SIPA1L3: variants seen among roughly 807,000 people sequenced by gnomAD.
The protein encoded by SIPA1L3 is signal induced proliferation associated 1 like 3.
In SIPA1L3, 59 loss-of-function variants were observed where a neutral mutation model predicts 150.1. The ratio of observed to expected loss-of-function variants is 0.39; its 90% CI spans 0.32 to 0.49. The LOEUF (loss-of-function observed/expected upper bound fraction) is 0.49. SIPA1L3 is among the 20% of genes least tolerant of loss of function. The probability of loss-of-function intolerance (pLI) is 0.86; values close to 1 mark genes in which losing one functional copy is unlikely to be tolerated. For missense variants in SIPA1L3, 2,211 were observed against 2,489.5 expected (o/e 0.89, Z 2.38); for synonymous variants, 1,070 against 1,077.6 (o/e 0.99, Z 0.14).
At chr19:38,125,072 G>C (rs1971142483) in intron 9 of SIPA1L3, among the ~76,000 whole-genome samples, 1 of 148,050 alleles carries the variant, frequency 6.8e-6, no homozygotes, top group Admixed American at 6.8e-5. Context: ...GTCTTGCTCT[G>C]TCCCCCAGGC....
intron 10 of SIPA1L3, among the ~76,000 whole-genome samples, chr19:38,136,183 C>CA (rs56146390): frequency 0.013 from 590 of 43,892 alleles, 48 homozygotes; most frequent in East Asian, 0.057. Context: ...GAGACTGTCT[C>CA]AAAAAAAAAA....
chr19:38,031,536 T>C (rs1333758275), intron 2 of SIPA1L3, among the ~76,000 whole-genome samples: 2 of 152,206 alleles, frequency 1.3e-5, no homozygotes, highest in Non-Finnish European at 2.9e-5. Flanking sequence ...ATTGAGGTTA[T>C]TCATTATTTG....
intron 10 of SIPA1L3, among the ~76,000 whole-genome samples, 169 bp from the exon 11 acceptor site, chr19:38,141,015 G>A (rs537017332): frequency 1.7e-4 from 24 of 138,156 alleles, no homozygotes; most frequent in Admixed American, 3.2e-4. Context: ...CCAACATCAT[G>A]CCGCTGTACT....
At chr19:38,024,009 T>C (rs833932) in intron 1 of SIPA1L3, among the ~76,000 whole-genome samples, 38,659 of 150,870 alleles carry the variant, frequency 0.26, 5,245 homozygotes, top group African/African-American at 0.32. Flanking sequence ...CCTTCTTCCT[T>C]GGGGAGGGGG....
At chr19:37,965,317 GTT>G (rs566071263) in intron 1 of SIPA1L3, among the ~76,000 whole-genome samples, 3 of 133,676 alleles carry the variant, frequency 2.2e-5, no homozygotes, top group Admixed American at 7.8e-5. Flanking sequence ...TATATTTCTA[GTT>G]TTTTTTTTTT....
chr19:38,091,612 G>A (rs924933306), intron 4 of SIPA1L3, among the ~76,000 whole-genome samples: 6 of 152,164 alleles, frequency 3.9e-5, no homozygotes, highest in African/African-American at 1.4e-4. Context: ...ACCCTCCAGG[G>A]AGTGGCAGGG....
chr19:38,078,756 C>T (rs1344650208), intron 2 of SIPA1L3, among the ~76,000 whole-genome samples: 2 of 152,188 alleles, frequency 1.3e-5, no homozygotes, highest in Non-Finnish European at 1.5e-5. Context: ...AAGCAGCACT[C>T]CACTGCCCTG....
intron 10 of SIPA1L3, among the ~76,000 whole-genome samples, chr19:38,135,913 C>G (rs553048031): frequency 6.6e-6 from 1 of 151,894 alleles, no homozygotes; most frequent in Admixed American, 6.6e-5. Context: ...GCAGTGAGGA[C>G]GGGATAGAAG....
intron 6 of SIPA1L3, among the ~76,000 whole-genome samples, chr19:38,101,703 G>A (rs894495626): frequency 5.3e-5 from 8 of 151,580 alleles, no homozygotes; most frequent in African/African-American, 1.7e-4. Flanking sequence ...GAGCCACCAC[G>A]CCTGGCCATG....
intron 4 of SIPA1L3, among the ~76,000 whole-genome samples, chr19:38,098,396 T>C (rs926469163): frequency 2.2e-4 from 33 of 147,004 alleles, no homozygotes; most frequent in Non-Finnish European, 1.4e-4. Context: ...GCTTTCATTT[T>C]TTTTTTTTTT....
intron 1 of SIPA1L3, among the ~76,000 whole-genome samples, chr19:37,972,868 C>T (rs1422077250): frequency 6.6e-6 from 1 of 152,076 alleles, no homozygotes; most frequent in African/African-American, 2.4e-5. Flanking sequence ...CTGCCCCCTT[C>T]CCCCCAAATT....
intron 15 of SIPA1L3, among the ~76,000 whole-genome samples, chr19:38,175,207 T>C (rs1322919858): frequency 6.6e-6 from 1 of 152,040 alleles, no homozygotes; most frequent in Non-Finnish European, 1.5e-5. Flanking sequence ...AGGTGACGCC[T>C]ATAAGATGCT....
intron 1 of SIPA1L3, among the ~76,000 whole-genome samples, chr19:37,958,053 A>G (rs565345500): frequency 6.6e-6 from 1 of 152,270 alleles, no homozygotes; most frequent in African/African-American, 2.4e-5. Flanking sequence ...TGGAGATAGG[A>G]TGCCACACTT....
At chr19:37,954,667 C>G (rs2046793528) in intron 1 of SIPA1L3, among the ~76,000 whole-genome samples, 1 of 152,140 alleles carries the variant, frequency 6.6e-6, no homozygotes, top group South Asian at 2.1e-4. Flanking sequence ...AGCCTCTCGG[C>G]TTTAAGAACC....
Position 38,110,304 on chromosome 19 carries a change from C to T in SIPA1L3, c.2211C>T (p.Pro737=), listed in dbSNP as rs1274753372. 1 of 1,614,076 alleles carries T rather than the reference C, an allele frequency of 6.2e-7. No individual in the cohort carries two copies. The highest frequency in any genetic ancestry group is 1.3e-5 in the African/African-American group (1 of 74,920). ...AGCCTGGCGCGCTACCGTTCACCCC[C>T]AAGAACATCCGCTCCCACTTCCAGC... ...FQEPGALPFT[P]KNIRSHFQHV... Residue 737 remains proline (P), a synonymous_variant, in exon 8 of 22, where the codon CCC becomes CCT. Transcript: ENST00000222345.
chr19:38,041,038 C>T (rs1248604149), intron 2 of SIPA1L3, among the ~76,000 whole-genome samples: 2 of 152,026 alleles, frequency 1.3e-5, no homozygotes, highest in South Asian at 2.1e-4. Context: ...GCTAGGATTA[C>T]AGGCGTGAGC....
chr19:38,066,927 CTG>C (rs148586310), intron 2 of SIPA1L3, among the ~76,000 whole-genome samples: 3,340 of 152,122 alleles, frequency 0.022, 105 homozygotes, highest in African/African-American at 0.074. Flanking sequence ...TTGGGAAAAA[CTG>C]TACTGATTTA....
At chr19:37,941,657 G>A (rs1396972229) in intron 1 of SIPA1L3, among the ~76,000 whole-genome samples, 2 of 152,124 alleles carry the variant, frequency 1.3e-5, no homozygotes, top group African/African-American at 2.4e-5. Flanking sequence ...GGTGTTTGTC[G>A]AAGTAATGAG....
intron 13 of SIPA1L3, 142 bp downstream of exon 13, chr19:38,153,109 T>C (rs1195138132): frequency 6.4e-6 from 7 of 1,095,724 alleles, no homozygotes; most frequent in Non-Finnish European, 6.3e-6. Flanking sequence ...CATGTAAGAC[T>C]AGAGAGGGCA....
Sources: allele counts gnomAD v4.1 joint callset (sites outside exome capture counted in the v4.1 genomes callset), GRCh38; gene constraint gnomAD v4.1.1; transcripts MANE v1.5; gene names NCBI Gene and HGNC (gene_info 2026-07-23, HGNC 2026-07-21).